PRLR: variants seen among roughly 807,000 people sequenced by gnomAD.
The protein encoded by PRLR is hPRL receptor.
Under a neutral mutation model 40.2 loss-of-function variants are expected in PRLR, and 13 were observed. That is an observed-to-expected ratio of 0.32 (90% CI 0.21 to 0.51). The LOEUF is 0.51. Among genes scored for constraint, PRLR ranks in the 20% least tolerant of loss-of-function variants. The pLI, the probability that PRLR is intolerant of heterozygous loss-of-function variation, is 0.97. For synonymous variants in PRLR, 269 were observed against 278.7 expected (o/e 0.97, Z 0.35); for missense variants, 656 against 747.3 (o/e 0.88, Z 1.42).
chr5:35,092,334 C>T (rs1016456553), intron 2 of PRLR, among the ~76,000 whole-genome samples: 1 of 152,160 alleles, frequency 6.6e-6, no homozygotes, highest in African/African-American at 2.4e-5. Context: ...TTTTCCAACT[C>T]ATCCTGCATT....
At chr5:35,054,587 T>C (rs1014001006), downstream of PRLR, among the ~76,000 whole-genome samples, 1 of 152,106 alleles carries the variant, frequency 6.6e-6, no homozygotes, top group African/African-American at 2.4e-5. Context: ...TGTAGATAAA[T>C]AGGGAGATTA....
At chr5:35,192,795 C>T (rs141722544) in intron 1 of PRLR, among the ~76,000 whole-genome samples, 223 of 152,262 alleles carry the variant, frequency 1.5e-3, no homozygotes, top group African/African-American at 5.2e-3. Context: ...GTTTTGGATA[C>T]GGAAAGCTTA....
At chr5:35,166,270 G>A (rs1437759996) in intron 1 of PRLR, among the ~76,000 whole-genome samples, 1 of 152,122 alleles carries the variant, frequency 6.6e-6, no homozygotes, top group Non-Finnish European at 1.5e-5. Flanking sequence ...TAGATTGTCT[G>A]ATACGTGTTA....
intron 1 of PRLR, among the ~76,000 whole-genome samples, chr5:35,121,792 C>T (rs528008822): frequency 3.9e-5 from 6 of 152,258 alleles, no homozygotes; most frequent in South Asian, 2.1e-4. Context: ...AAACTTGAAC[C>T]GAGATCTCTT....
intron 1 of PRLR, among the ~76,000 whole-genome samples, chr5:35,219,024 C>T (rs993044705): frequency 2.0e-5 from 3 of 152,094 alleles, no homozygotes; most frequent in Middle Eastern, 3.4e-3. Context: ...CTGTTGGCGG[C>T]GGGGTGGGGG....
At chr5:35,101,701 A>T (rs1052131937) in intron 2 of PRLR, among the ~76,000 whole-genome samples, 59 of 149,822 alleles carry the variant, frequency 3.9e-4, no homozygotes, top group African/African-American at 1.2e-3. Flanking sequence ...TATATATATA[A>T]AAACATACAT....
intron 1 of PRLR, among the ~76,000 whole-genome samples, chr5:35,222,245 G>T (rs1230946354): frequency 6.6e-6 from 1 of 152,126 alleles, no homozygotes; most frequent in South Asian, 2.1e-4. Flanking sequence ...AGAGGTTGCG[G>T]TGAGCCGAGA....
At chr5:35,129,400 T>C (rs1773580249) in intron 1 of PRLR, among the ~76,000 whole-genome samples, 1 of 152,186 alleles carries the variant, frequency 6.6e-6, no homozygotes, top group Admixed American at 6.5e-5. Context: ...TCAGATTTCC[T>C]GCATCCTTAA....
chr5:35,176,079 AG>A (rs766633096), intron 1 of PRLR, among the ~76,000 whole-genome samples: 5 of 152,202 alleles, frequency 3.3e-5, no homozygotes, highest in Non-Finnish European at 5.9e-5. Flanking sequence ...ATGCACATGC[AG>A]CCCCCATGTT....
At chr5:35,184,908 C>A (rs182359747) in intron 1 of PRLR, among the ~76,000 whole-genome samples, 3 of 152,344 alleles carry the variant, frequency 2.0e-5, no homozygotes, top group South Asian at 4.1e-4. Context: ...AAATGCTCAA[C>A]AAATATAGGT....
intron 1 of PRLR, among the ~76,000 whole-genome samples, chr5:35,217,768 T>C (rs944691532): frequency 1.3e-5 from 2 of 152,198 alleles, no homozygotes; most frequent in African/African-American, 4.8e-5. Flanking sequence ...AACACTATTA[T>C]GGTTTCAATG....
At chr5:35,113,918 C>G (rs1772855291) in intron 2 of PRLR, among the ~76,000 whole-genome samples, 1 of 152,222 alleles carries the variant, frequency 6.6e-6, no homozygotes, top group Admixed American at 6.5e-5. Flanking sequence ...ACACCCACTT[C>G]TGCCTTCATT....
At chr5:35,116,001 T>C (rs1772992985) in intron 2 of PRLR, among the ~76,000 whole-genome samples, 1 of 152,290 alleles carries the variant, frequency 6.6e-6, no homozygotes, top group Admixed American at 6.5e-5. Context: ...TGTGTTTCTG[T>C]TTCTCTTGGA....
At chr5:35,196,386 C>G (rs563568948) in intron 1 of PRLR, among the ~76,000 whole-genome samples, 19 of 152,322 alleles carry the variant, frequency 1.2e-4, no homozygotes, top group African/African-American at 4.3e-4. Flanking sequence ...ATGAAAGGTT[C>G]TCATGCATGC....
intron 1 of PRLR, among the ~76,000 whole-genome samples, chr5:35,141,157 A>G (rs1774012855): frequency 6.6e-6 from 1 of 152,078 alleles, no homozygotes; most frequent in Non-Finnish European, 1.5e-5. Context: ...ACAAAGATAG[A>G]AGGAGTCTGG....
intron 9 of PRLR, among the ~76,000 whole-genome samples, chr5:35,067,474 T>C (rs577009790): frequency 1.5e-4 from 23 of 152,234 alleles, no homozygotes; most frequent in Non-Finnish European, 1.5e-5. Flanking sequence ...GCAACCAAAG[T>C]GAACACAGAC....
At chr5:35,133,992 C>T (rs563042992) in intron 1 of PRLR, among the ~76,000 whole-genome samples, 240 of 152,146 alleles carry the variant, frequency 1.6e-3, no homozygotes, top group African/African-American at 5.4e-3. Context: ...GATGAGGATG[C>T]AAAGGCATAA....
At chr5:35,086,972 T>G (rs1045276368) in intron 3 of PRLR, among the ~76,000 whole-genome samples, 1 of 152,040 alleles carries the variant, frequency 6.6e-6, no homozygotes, top group East Asian at 1.9e-4. Context: ...CATCTTCTCC[T>G]TTCCTTCCCC....
intron 1 of PRLR, among the ~76,000 whole-genome samples, chr5:35,125,837 A>G (rs1013776823): frequency 1.3e-5 from 2 of 152,230 alleles, no homozygotes; most frequent in African/African-American, 4.8e-5. Flanking sequence ...GGGGAATGTT[A>G]GCAGGCGATG....
Sources: gnomAD v4.1 joint callset for allele counts (sites outside exome capture counted in the v4.1 genomes callset) on GRCh38, gnomAD v4.1.1 for gene constraint, MANE v1.5 for transcripts, NCBI Gene and HGNC (gene_info 2026-07-23, HGNC 2026-07-21) for gene names.